Variants in WNT7B observed in about 807,000 individuals in gnomAD.
The protein encoded by WNT7B is Wnt family member 7B, also known as protein Wnt-7b.
Under a neutral mutation model 38.2 loss-of-function variants are expected in WNT7B, and 19 were observed. The observed-to-expected ratio is 0.50, with a 90% CI of 0.35 to 0.73. The LOEUF is 0.73. Among genes scored for constraint, WNT7B ranks in the 30% least tolerant of loss-of-function variants. The pLI, the probability that WNT7B is intolerant of heterozygous loss-of-function variation, is 0.01. For missense variants in WNT7B, 423 were observed against 507.9 expected, an observed-to-expected ratio of 0.83 and a Z score of 1.61; for synonymous variants, 243 against 209.3, an observed-to-expected ratio of 1.16 and a Z score of -1.39.
At chr22:45,924,589 C>G (rs983393932) in intron 3 of WNT7B, among the ~76,000 whole-genome samples, 37 of 152,346 alleles carry the variant, frequency 2.4e-4, no homozygotes, top group African/African-American at 8.9e-4. Context: ...TCAACATGAG[C>G]GAAGGTCTGG....
chr22:45,921,404 C>T lies in WNT7B; in HGVS notation c.*1452G>A, dbSNP rs1006651400. 2 of 152,404 alleles carry T rather than the reference C, an allele frequency of 1.3e-5. No homozygotes were observed. Among genetic ancestry groups the T allele is most frequent in the African/African-American group, 4.8e-5 (2 of 41,468 alleles). 9.4% of individuals were successfully genotyped at this position (152,404 alleles called of 1,614,324 possible). On this transcript the variant is annotated 3_prime_UTR_variant, in exon 4 of 4. Transcript: ENST00000339464. Reference sequence around the variant, plus strand: ...GGGTGGAGGGAGCAGCCAAGTGCCTCAAGGCATGGGAGCTACCTACTGCCA... The same window carrying T: ...GGGTGGAGGGAGCAGCCAAGTGCCTTAAGGCATGGGAGCTACCTACTGCCA...
chr22:45,932,755 T>G (rs944341375), intron 2 of WNT7B, among the ~76,000 whole-genome samples: 5 of 152,062 alleles, frequency 3.3e-5, no homozygotes, highest in African/African-American at 4.8e-5. Context: ...CTCCAGTGAG[T>G]GGGAACCTCC....
At chr22:45,932,409 T>C (rs1931392653) in intron 2 of WNT7B, among the ~76,000 whole-genome samples, 1 of 145,130 alleles carries the variant, frequency 6.9e-6, no homozygotes, top group Admixed American at 7.1e-5. Context: ...CCAGGCAGCC[T>C]TCCCAGACCC....
chr22:45,968,057 G>A (rs751519963), intron 1 of WNT7B, among the ~76,000 whole-genome samples: 2 of 152,220 alleles, frequency 1.3e-5, no homozygotes, highest in South Asian at 2.1e-4. Context: ...GCATCCCATC[G>A]GCCCACCTCA....
rs1189965706 is a variant in WNT7B at position 45,966,007 on chromosome 22, A to G, written c.71+10677T>C. Among the ~76,000 whole-genome samples, 1 of 152,102 alleles carries G rather than the reference A, an allele frequency of 6.6e-6. No homozygotes were observed. The highest frequency in any genetic ancestry group is 1.9e-4 in the East Asian group (1 of 5,178). ...TGGGCTCAGCTGCTTGACCTGGGCG[A>G]GTGACTCTGCACCCTGACCTCGTCT... On this transcript the variant is annotated intron_variant, in intron 1 of 3. Transcript: ENST00000339464. This position sits in a 1 kb window ranked among gnomAD's most constrained non-coding sequence, Gnocchi z 4.2.
chr22:45,924,147 G>T (rs979180524), intron 3 of WNT7B, among the ~76,000 whole-genome samples: 3 of 152,196 alleles, frequency 2.0e-5, no homozygotes, highest in African/African-American at 7.2e-5. Flanking sequence ...GGCGCCCCAC[G>T]GCTGCAGAGA....
chr22:45,971,843 C>A (rs1262136234), intron 1 of WNT7B, among the ~76,000 whole-genome samples: 2 of 152,226 alleles, frequency 1.3e-5, no homozygotes, highest in African/African-American at 4.8e-5. Flanking sequence ...ATCTCGGCGC[C>A]GCTCGCGTGC....
Position 45,923,063 on chromosome 22 carries a change from G to A in WNT7B, c.843C>T (p.Asp281=), listed in dbSNP as rs370817439. The part of the protein sequence containing the change: ...IEKSPNYCEE[D]AATGSVGTQG... ...GCGTGCCCACGCTGCCCGTGGCCGC[G>A]TCCTCCTCGCAGTAGTTGGGCGACT... is the stretch of plus-strand genomic sequence containing the variant. The change falls in exon 4 of 4, where the codon GAC becomes GAT. Residue 281 remains aspartate, a synonymous_variant. Coordinates refer to ENST00000339464, the MANE Select transcript of WNT7B (RefSeq NM_058238.3). 165 of 1,613,098 alleles carry A rather than the reference G, an allele frequency of 1.0e-4. 1 individual carries two copies. In the East Asian group the frequency reaches 2.9e-3, roughly 28 times the overall value.
At chr22:45,941,615 G>T (rs1389390280) in intron 2 of WNT7B, among the ~76,000 whole-genome samples, 1 of 152,152 alleles carries the variant, frequency 6.6e-6, no homozygotes, top group South Asian at 2.1e-4. Context: ...ACAGGATCAA[G>T]TGGAAAGAGT....
intron 2 of WNT7B, chr22:45,936,039 A>G: frequency 1.0e-6 from 1 of 985,366 alleles, no homozygotes; most frequent in Non-Finnish European, 1.2e-6. Flanking sequence ...ATCCAGCAGT[A>G]TCCCTAGAAA....
intron 1 of WNT7B, among the ~76,000 whole-genome samples, chr22:45,956,515 C>G (rs1330259558): frequency 6.6e-6 from 1 of 152,206 alleles, no homozygotes; most frequent in Non-Finnish European, 1.5e-5. Flanking sequence ...GCCACTGCAC[C>G]CACCACCGAT....
At chr22:45,935,719 A>C in intron 2 of WNT7B, 1 of 782,100 alleles carries the variant, frequency 1.3e-6, no homozygotes, top group African/African-American at 1.9e-5. Flanking sequence ...CACCTCCCCC[A>C]CACCACCTTA....
At chr22:45,955,673 T>A (rs112974340) in intron 1 of WNT7B, among the ~76,000 whole-genome samples, 7 of 152,160 alleles carry the variant, frequency 4.6e-5, no homozygotes, top group African/African-American at 1.7e-4. Context: ...CTGCACTGAA[T>A]GGGGCCTCGG....
intron 1 of WNT7B, among the ~76,000 whole-genome samples, chr22:45,960,143 C>A (rs1340367619): frequency 2.6e-5 from 4 of 152,224 alleles, no homozygotes; most frequent in Non-Finnish European, 5.9e-5. Context: ...AGCCACCTCC[C>A]AGCCCCAGCC....
In WNT7B at chr22:45,976,563, C is replaced by G; in HGVS notation, c.71+121G>C. The G allele has an allele frequency of 1.8e-6, 2 of 1,102,548 alleles. No homozygotes were observed. Among genetic ancestry groups the G allele is most frequent in the Non-Finnish European group, 2.6e-6 (2 of 759,130 alleles). 68.3% of individuals were successfully genotyped at this position (1,102,548 alleles called of 1,614,324 possible). A position where few individuals can be genotyped will look rare whatever the true frequency, so the allele number is the denominator to read the frequency against. ...GAGGGTCTGACACACGGGCCAGCCC[C>G]GGAGCCCAGAGAGCTGCAGTGGCCC... On this transcript the variant is annotated intron_variant, in intron 1 of 3. Coordinates refer to ENST00000339464, the MANE Select transcript of WNT7B (RefSeq NM_058238.3). The surrounding 1 kb of genome is among the most constrained non-coding windows in gnomAD (Gnocchi z 8.5).
chr22:45,962,192 G>A (rs543440619), intron 1 of WNT7B, among the ~76,000 whole-genome samples: 10 of 152,222 alleles, frequency 6.6e-5, no homozygotes, highest in Middle Eastern at 3.4e-3. Context: ...GGCTGAGGCC[G>A]CTGCAGGTGG....
intron 1 of WNT7B, among the ~76,000 whole-genome samples, chr22:45,964,475 G>T (rs1932268759): frequency 6.6e-6 from 1 of 152,176 alleles, no homozygotes; most frequent in Non-Finnish European, 1.5e-5. Flanking sequence ...CCAGGAAATG[G>T]AGATGGCGGA....
chr22:45,929,948 C>CCATCCACCCACCCATG (rs1931279124), intron 3 of WNT7B, among the ~76,000 whole-genome samples: 2 of 149,858 alleles, frequency 1.3e-5, no homozygotes, highest in Non-Finnish European at 3.0e-5. Context: ...ATCCTTCCAT[C>CCATCCACCCACCCATG]CATCCACTCA....
intron 2 of WNT7B, among the ~76,000 whole-genome samples, chr22:45,945,246 G>A (rs1269232960): frequency 6.6e-6 from 1 of 152,090 alleles, no homozygotes; most frequent in Non-Finnish European, 1.5e-5. Context: ...ACCACACTCA[G>A]CTAATTTTGA....
Sources: allele counts gnomAD v4.1 joint callset (sites outside exome capture counted in the v4.1 genomes callset), GRCh38; gene constraint gnomAD v4.1.1; non-coding constraint Gnocchi (gnomAD v3.1); transcripts MANE v1.5; gene names NCBI Gene and HGNC (gene_info 2026-07-23, HGNC 2026-07-21).